Variants in ZDHHC21 observed in about 807,000 individuals in gnomAD.
ZDHHC21 encodes zDHHC palmitoyltransferase 21.
Under a neutral mutation model 34.6 loss-of-function variants are expected in ZDHHC21, and 15 were observed. The ratio of observed to expected loss-of-function variants is 0.43; its 90% CI spans 0.29 to 0.67. The LOEUF is 0.67. ZDHHC21 is among the 30% of genes least tolerant of loss of function. ZDHHC21 has a pLI of 0.14. For missense variants in ZDHHC21, 344 were observed against 327.7 expected (o/e 1.05, Z -0.38); for synonymous variants, 142 against 101.8 (o/e 1.40, Z -2.38).
intron 7 of ZDHHC21, among the ~76,000 whole-genome samples, chr9:14,644,226 T>C (rs778154481): frequency 6.6e-6 from 1 of 152,182 alleles, no homozygotes; most frequent in Admixed American, 6.5e-5. Flanking sequence ...TTTAAAAATA[T>C]TGTTTCATAG....
downstream of ZDHHC21, among the ~76,000 whole-genome samples, chr9:14,609,472 G>C (rs548095131): frequency 2.6e-4 from 40 of 152,148 alleles, no homozygotes; most frequent in African/African-American, 9.4e-4. Context: ...GACAACTACT[G>C]ACAGTATGTG....
chr9:14,636,788 C>T (rs772764742), intron 8 of ZDHHC21, among the ~76,000 whole-genome samples: 1 of 152,086 alleles, frequency 6.6e-6, no homozygotes, highest in Non-Finnish European at 1.5e-5. Context: ...GGAAATTAAG[C>T]AACGTGGTTC....
At chr9:14,642,689 T>A (rs1360088849) in intron 7 of ZDHHC21, among the ~76,000 whole-genome samples, 2 of 152,172 alleles carry the variant, frequency 1.3e-5, no homozygotes, top group Non-Finnish European at 2.9e-5. Flanking sequence ...GGTGGTTATC[T>A]GCAAGCCAAA....
At chr9:14,647,034 A>G (rs954612495) in intron 7 of ZDHHC21, among the ~76,000 whole-genome samples, 1 of 152,128 alleles carries the variant, frequency 6.6e-6, no homozygotes, top group Non-Finnish European at 1.5e-5. Context: ...ACATGTGAAG[A>G]GACAGAGAAA....
At position 14,645,684 on chromosome 9, in the gene ZDHHC21, C is replaced by T. The variant is rs182431280; in HGVS notation, c.505-5672G>A. Among the ~76,000 whole-genome samples, 191 of 151,986 alleles carry T rather than the reference C, an allele frequency of 1.3e-3. 3 individuals are homozygous for T. Among genetic ancestry groups the T allele is most frequent in the African/African-American group, 4.3e-3 (177 of 41,484 alleles). ...TAAACCAAAGAGTGGAAGATGTTTACAACACATTCCAAAAAAAGGACTAAT... is the reference window on the plus strand; with the variant it reads ...TAAACCAAAGAGTGGAAGATGTTTATAACACATTCCAAAAAAAGGACTAAT... On this transcript the variant is annotated intron_variant, in intron 7 of 9. Coordinates refer to ENST00000380916, the MANE Select transcript of ZDHHC21 (RefSeq NM_178566.6).
rs751127116 is a variant in ZDHHC21 at position 14,640,259 on chromosome 9, C to T, written c.505-247G>A. On this transcript the variant is annotated intron_variant, in intron 7 of 9. Coordinates refer to ENST00000380916, the MANE Select transcript of ZDHHC21 (RefSeq NM_178566.6). ...ACTACTCTACTGCATCAAAACTCCT[C>T]AATCTTAGGTGCAAGTTAGCCTTGT... is the stretch of plus-strand genomic sequence containing the variant. Among the ~76,000 whole-genome samples, 16 of 141,438 alleles carry T rather than the reference C, an allele frequency of 1.1e-4. 1 individual carries two copies. The highest frequency in any genetic ancestry group is 2.1e-4 in the Non-Finnish European group (14 of 66,170). 92.8% of individuals were successfully genotyped at this position (141,438 alleles called of 152,430 possible). A position where few individuals can be genotyped will look rare whatever the true frequency, so the allele number is the denominator to read the frequency against.
chr9:14,603,101 A>G, the ZDHHC21 span, among the ~76,000 whole-genome samples: 1 of 152,116 alleles, frequency 6.6e-6, no homozygotes. Flanking sequence ...TGAATATTCC[A>G]TATTTTGAAT....
At chr9:14,607,053 A>T (rs1823034245), downstream of ZDHHC21, among the ~76,000 whole-genome samples, 1 of 147,808 alleles carries the variant, frequency 6.8e-6, no homozygotes, top group Non-Finnish European at 1.5e-5. Flanking sequence ...TCTGCACAAG[A>T]CTGTCCTCCA....
the ZDHHC21 span, among the ~76,000 whole-genome samples, chr9:14,591,245 T>C: frequency 1.3e-5 from 2 of 152,178 alleles, no homozygotes; most frequent in Non-Finnish European, 2.9e-5. Context: ...CATGTTGATA[T>C]ATAATTCCTA....
chr9:14,621,153 A>G (rs1261161655), intron 8 of ZDHHC21, among the ~76,000 whole-genome samples: 1 of 152,086 alleles, frequency 6.6e-6, no homozygotes, highest in East Asian at 1.9e-4. Flanking sequence ...AAAAGTACGA[A>G]GAAAAAGATG....
At chr9:14,684,265 C>T (rs1276185349) in intron 2 of ZDHHC21, among the ~76,000 whole-genome samples, 2 of 151,448 alleles carry the variant, frequency 1.3e-5, no homozygotes, top group African/African-American at 2.4e-5. Context: ...TCAAATTGTC[C>T]CTGTTTGCAG....
At position 14,617,611 on chromosome 9, in the gene ZDHHC21, G is replaced by T. The variant is rs1285032436; in HGVS notation, c.*1355C>A. ...TGTGAGTACATAAATTTTTTAAAAA[G>T]ATATATGGGTTTTGCAGTATTCTAA... On this transcript the variant is annotated 3_prime_UTR_variant, in exon 10 of 10. Coordinates refer to ENST00000380916, the MANE Select transcript of ZDHHC21 (RefSeq NM_178566.6). 3 of 151,866 alleles carry T rather than the reference G, an allele frequency of 2.0e-5. No homozygotes were observed. The highest frequency in any genetic ancestry group is 7.3e-5 in the African/African-American group (3 of 41,362). 9.4% of individuals were successfully genotyped at this position (151,866 alleles called of 1,614,324 possible).
chr9:14,689,604 T>C (rs544007734), intron 2 of ZDHHC21, among the ~76,000 whole-genome samples: 1 of 152,354 alleles, frequency 6.6e-6, no homozygotes, highest in African/African-American at 2.4e-5. Context: ...TACATGACTG[T>C]ATTAGTAGTA....
intron 8 of ZDHHC21, among the ~76,000 whole-genome samples, chr9:14,626,724 C>A (rs1208483074): frequency 6.6e-6 from 1 of 151,654 alleles, no homozygotes; most frequent in Non-Finnish European, 1.5e-5. Flanking sequence ...AAGGGGGAAC[C>A]TAGTTTTTTA....
intron 5 of ZDHHC21, among the ~76,000 whole-genome samples, chr9:14,665,546 T>C (rs545927884): frequency 1.3e-5 from 2 of 151,660 alleles, no homozygotes; most frequent in East Asian, 3.9e-4. Context: ...CACATAATTG[T>C]CAGATTCACC....
the ZDHHC21 span, among the ~76,000 whole-genome samples, chr9:14,601,438 A>T: frequency 1.3e-5 from 2 of 150,542 alleles, no homozygotes; most frequent in East Asian, 3.9e-4. Flanking sequence ...AATCAAAACA[A>T]CAATGAGATA....
At chr9:14,677,859 G>C (rs138460383) in intron 3 of ZDHHC21, among the ~76,000 whole-genome samples, 2 of 152,146 alleles carry the variant, frequency 1.3e-5, no homozygotes, top group African/African-American at 4.8e-5. Context: ...TTCTCCTCAA[G>C]AAGAATATTC....
At chr9:14,622,854 C>A (rs1825543427) in intron 8 of ZDHHC21, among the ~76,000 whole-genome samples, 1 of 152,076 alleles carries the variant, frequency 6.6e-6, no homozygotes, top group South Asian at 2.1e-4. Context: ...TAAGAAAATT[C>A]TTTTCATTAG....
chr9:14,603,023 C>T, the ZDHHC21 span, among the ~76,000 whole-genome samples: 1 of 151,292 alleles, frequency 6.6e-6, no homozygotes, highest in East Asian at 1.9e-4. Flanking sequence ...AAAACAGGTC[C>T]GCGTTTCCTG....
Sources: allele counts gnomAD v4.1 joint callset (sites outside exome capture counted in the v4.1 genomes callset), GRCh38; gene constraint gnomAD v4.1.1; transcripts MANE v1.5; gene names NCBI Gene and HGNC (gene_info 2026-07-23, HGNC 2026-07-21).